ULBP2: variants seen among roughly 807,000 people sequenced by gnomAD.
ULBP2 encodes UL16 binding protein 2, also known as UL16-binding protein 2.
In ULBP2, 21 loss-of-function variants were observed where a neutral mutation model predicts 23.6. That is an observed-to-expected ratio of 0.89 (90% CI 0.63 to 1.28). The LOEUF (loss-of-function observed/expected upper bound fraction) is 1.28, where lower values mean the gene tolerates loss of function less well. Ranked by LOEUF, ULBP2 falls within the 50% of genes most tolerant of loss-of-function variation. The pLI is 0.00. For missense variants in ULBP2, 251 were observed against 306.0 expected (o/e 0.82, Z 1.34); for synonymous variants, 82 against 112.8 (o/e 0.73, Z 1.73).
chr6:149,948,259 G>T (rs1403192265), intron 4 of ULBP2, among the ~76,000 whole-genome samples: 2 of 152,122 alleles, frequency 1.3e-5, no homozygotes, highest in African/African-American at 4.8e-5. Context: ...GGTGGAACAG[G>T]GACAGTCACC....
intron 1 of ULBP2, among the ~76,000 whole-genome samples, chr6:149,942,932 C>T (rs1218015568): frequency 2.0e-5 from 3 of 152,188 alleles, no homozygotes; most frequent in Non-Finnish European, 4.4e-5. Context: ...CAGGATGACC[C>T]TGGGAACTCT....
rs1274462586 is a variant in ULBP2 at position 149,945,573 on chromosome 6, G to A, written c.349+1G>A. On this transcript the variant is annotated splice_donor_variant, in intron 2 of 4. Coordinates refer to ENST00000367351, the MANE Select transcript of ULBP2 (RefSeq NM_025217.4). LOFTEE classifies it high-confidence loss of function. ...CAGCTGGAGAATTACACACCCAAGG[G>A]TAAGTTTCAGATGGCCCAGGACAGC... 3.7e-6 allele frequency: 6 copies of A among 1,613,904 alleles called. No individual in the cohort carries two copies. The highest frequency in any genetic ancestry group is 1.3e-5 in the African/African-American group (1 of 74,922).
In ULBP2 at chr6:149,942,174, A is replaced by C; in HGVS notation, c.85+17A>C. ...GGCGAGCCGGTGAGTTCGTGGATGG[A>C]GCCTAAGCCGGGCGGGGACCAAGCC... On this transcript the variant is annotated intron_variant, in intron 1 of 4. Transcript: ENST00000367351. The C allele has an allele frequency of 3.1e-6, 5 of 1,611,054 alleles. No individual in the cohort carries two copies. The highest frequency in any genetic ancestry group is 4.2e-6 in the Non-Finnish European group (5 of 1,178,882).
intron 1 of ULBP2, among the ~76,000 whole-genome samples, chr6:149,944,055 A>C (rs1219875588): frequency 6.6e-6 from 1 of 151,942 alleles, no homozygotes; most frequent in Non-Finnish European, 1.5e-5. Context: ...ACTGGCCATA[A>C]ATATCTTTGG....
chr6:149,946,516 C>T lies in ULBP2; in HGVS notation c.494C>T (p.Ala165Val). 6.2e-7 allele frequency: 1 copy of T among 1,613,992 alleles called. No homozygotes were observed. The highest frequency in any genetic ancestry group is 8.5e-7 in the Non-Finnish European group (1 of 1,180,010). ...KRMWTTVHPG[A>V]RKMKEKWEND... ...ATGTGGACAACGGTTCATCCTGGAG[C>T]CAGAAAGATGAAAGAAAAGTGGGAG... The change falls in exon 3 of 5, where the codon GCC (alanine) becomes GTC (valine). Residue 165 changes from alanine (A) to valine (V), a missense_variant. Around this residue, in one of 2 missense-constraint regions of ULBP2, gnomAD observed 248 missense variants for 258.9 expected, o/e 0.96. Coordinates refer to ENST00000367351, the MANE Select transcript of ULBP2 (RefSeq NM_025217.4).
At chr6:149,946,826 C>T in intron 3 of ULBP2, 173 bp downstream of exon 3, 4 of 1,104,238 alleles carry the variant, frequency 3.6e-6, no homozygotes, top group Non-Finnish European at 3.8e-6. Flanking sequence ...TCCCACCGTC[C>T]TCTTCCTTCT....
Position 149,942,103 on chromosome 6 carries a change from C to T in ULBP2, c.31C>T (p.Leu11=), listed in dbSNP as rs151083087. ...AGCAGCCGCCGCTACCAAGATCCTT[C>T]TGTGCCTCCCGCTTCTGCTCCTGCT... MAAAAATKIL[L]CLPLLLLLSG... is the part of the protein sequence containing the mutation. The change falls in exon 1 of 5, where the codon CTG becomes TTG. Residue 11 remains leucine (L), a synonymous_variant. Transcript: ENST00000367351. 812 of 1,613,582 alleles carry T rather than the reference C, an allele frequency of 5.0e-4. No homozygotes were observed. Among genetic ancestry groups the T allele is most frequent in the Non-Finnish European group, 6.3e-4 (746 of 1,179,882 alleles).
intron 1 of ULBP2, 141 bp downstream of exon 1, chr6:149,942,298 C>A: frequency 2.4e-6 from 2 of 848,550 alleles, no homozygotes; most frequent in Non-Finnish European, 1.7e-6. Context: ...TTCCGGTCGG[C>A]GGCTCCTTCC....
At position 149,945,876 on chromosome 6, in the gene ULBP2, C is replaced by A. The variant is rs562006717; in HGVS notation, c.349+304C>A. ...GGATCCCTTGAACCCGGCAGGCAGA[C>A]GCTGCAGTGAGCCGAGGTGGTGCCA... On this transcript the variant is annotated intron_variant, in intron 2 of 4. Coordinates refer to ENST00000367351, the MANE Select transcript of ULBP2 (RefSeq NM_025217.4). 1.2e-4 allele frequency among the ~76,000 whole-genome samples: 18 copies of A among 147,972 alleles called. No individual in the cohort carries two copies. The Admixed American group carries it at 1.2e-3, about 10-fold the overall frequency.
chr6:149,946,723 G>A (rs1778948354), intron 3 of ULBP2, 70 bp downstream of exon 3: 6 of 1,594,166 alleles, frequency 3.8e-6, no homozygotes, highest in Non-Finnish European at 5.1e-6. Context: ...GTTAGTTCTT[G>A]AGTTCAGCTT....
In ULBP2 at chr6:149,946,483, A is replaced by G; in HGVS notation, c.461A>G (p.Glu154Gly). 1.2e-6 allele frequency: 2 copies of G among 1,614,184 alleles called. No individual in the cohort carries two copies. The highest frequency in any genetic ancestry group is 1.7e-6 in the Non-Finnish European group (2 of 1,180,046). The change falls in exon 3 of 5, where the codon GAG becomes GGG. Residue 154 changes from glutamate (E) to glycine (G), a missense_variant. Glu to Gly is a moderately conservative substitution (Grantham distance 98). Transcript: ENST00000367351. ...DGQIFLLFDS[E>G]KRMWTTVHPG... ...CAGATCTTCCTCCTCTTTGACTCAG[A>G]GAAGAGAATGTGGACAACGGTTCAT...
At position 149,946,654 on chromosome 6, in the gene ULBP2, G is replaced by A. The variant is rs1189461794; in HGVS notation, c.631+1G>A. 1 of 1,612,786 alleles carries A rather than the reference G, an allele frequency of 6.2e-7. No individual in the cohort carries two copies. Among genetic ancestry groups the A allele is most frequent in the Non-Finnish European group, 8.5e-7 (1 of 1,179,190 alleles). ...AGCACCCTGGAGCCAAGTGCAGGAG[G>A]TAACAGGAGAAAAAGAAACGGGGAT... On this transcript the variant is annotated splice_donor_variant, in intron 3 of 4. Transcript: ENST00000367351. LOFTEE classifies it high-confidence loss of function.
At position 149,946,832 on chromosome 6, in the gene ULBP2, C is replaced by T. The variant is rs1007805475; in HGVS notation, c.631+179C>T. On this transcript the variant is annotated intron_variant, in intron 3 of 4. Transcript: ENST00000367351. ...CCTGTGCTCTCCCACCGTCCTCTTCCTTCTCCCTCCTGACTCCTATTCCTC... is the reference window on the plus strand; with the variant it reads ...CCTGTGCTCTCCCACCGTCCTCTTCTTTCTCCCTCCTGACTCCTATTCCTC... 2.8e-6 allele frequency: 3 copies of T among 1,054,070 alleles called. No homozygotes were observed. In the African/African-American group the frequency reaches 4.8e-5, roughly 17 times the overall value. The allele number at this position is 1,054,070 out of a possible 1,614,324, so 65.3% of individuals were successfully genotyped here. A position where few individuals can be genotyped will look rare whatever the true frequency, so the allele number is the denominator to read the frequency against.
At chr6:149,943,451 T>C (rs1447173908) in intron 1 of ULBP2, among the ~76,000 whole-genome samples, 1 of 152,046 alleles carries the variant, frequency 6.6e-6, no homozygotes, top group Non-Finnish European at 1.5e-5. Flanking sequence ...AGGTGTGAGC[T>C]GAGGGTGAGG....
At chr6:149,943,683 T>C (rs1778897007) in intron 1 of ULBP2, among the ~76,000 whole-genome samples, 2 of 151,738 alleles carry the variant, frequency 1.3e-5, no homozygotes, top group Non-Finnish European at 2.9e-5. Flanking sequence ...TCTGGTGCCT[T>C]GTCATGGGCC....
intron 1 of ULBP2, 43 bp downstream of exon 1, chr6:149,942,200 T>C (rs757005727): frequency 1.3e-6 from 2 of 1,592,950 alleles, no homozygotes; most frequent in African/African-American, 1.3e-5. Context: ...GGACCAAGCC[T>C]GGAGGGCTGT....
intron 1 of ULBP2, among the ~76,000 whole-genome samples, chr6:149,942,986 C>G (rs1456659104): frequency 2.6e-5 from 4 of 152,184 alleles, no homozygotes; most frequent in Admixed American, 6.5e-5. Flanking sequence ...CCCAGACCGC[C>G]TGTTCTTCCT....
rs755234446 is a variant in ULBP2 at position 149,946,425 on chromosome 6, A to G, written c.403A>G (p.Ser135Gly). The change falls in exon 3 of 5, where the codon AGC (serine) becomes GGC (glycine). Residue 135 changes from serine (S) to glycine (G), a missense_variant. Physicochemically the swap from Ser to Gly is moderately conservative, Grantham distance 56. Around this residue, in one of 2 missense-constraint regions of ULBP2, gnomAD observed 248 missense variants for 258.9 expected, o/e 0.96. Coordinates refer to ENST00000367351, the MANE Select transcript of ULBP2 (RefSeq NM_025217.4). The part of the protein sequence containing the change: ...MSCEQKAEGH[S>G]SGSWQFSFDG... ...TTGTGAGCAGAAAGCTGAAGGACAC[A>G]GCAGTGGATCTTGGCAGTTCAGTTT... The G allele has an allele frequency of 2.5e-6, 4 of 1,614,188 alleles. No individual in the cohort carries two copies. Among genetic ancestry groups the G allele is most frequent in the East Asian group, 2.2e-5 (1 of 44,874 alleles).
At chr6:149,947,130 G>A (rs2114687556) in intron 3 of ULBP2, among the ~76,000 whole-genome samples, 190 bp from the exon 4 acceptor site, 1 of 151,986 alleles carries the variant, frequency 6.6e-6, no homozygotes, top group East Asian at 1.9e-4. Flanking sequence ...AGCTGTGTGA[G>A]CTCCCTGAGG....
Sources: allele counts gnomAD v4.1 joint callset (sites outside exome capture counted in the v4.1 genomes callset), GRCh38; gene constraint gnomAD v4.1.1; regional missense constraint gnomAD v4.1.1; transcripts MANE v1.5; gene names NCBI Gene and HGNC (gene_info 2026-07-23, HGNC 2026-07-21).